Variants in PSMB2 observed in about 807,000 individuals in gnomAD.
PSMB2 encodes the protein proteasome subunit beta type-2.
A neutral mutation model predicts 25.7 loss-of-function variants in PSMB2; 13 were observed. That is an observed-to-expected ratio of 0.51 (90% CI 0.33 to 0.80). The LOEUF (loss-of-function observed/expected upper bound fraction) is 0.80, where lower values mean the gene tolerates loss of function less well. Among genes scored for constraint, PSMB2 ranks in the 30% least tolerant of loss-of-function variants. PSMB2 has a pLI of 0.02. For missense variants in PSMB2, 202 were observed against 259.0 expected, an observed-to-expected ratio of 0.78 and a Z score of 1.51; for synonymous variants, 87 against 96.2, an observed-to-expected ratio of 0.90 and a Z score of 0.56.
chr1:35,617,259 G>C (rs1257119200), intron 3 of PSMB2, among the ~76,000 whole-genome samples: 1 of 152,136 alleles, frequency 6.6e-6, no homozygotes, highest in Non-Finnish European at 1.5e-5. Flanking sequence ...TGTTGGCCTG[G>C]CTGGTCTCGA....
chr1:35,620,348 T>G (rs966359719), intron 3 of PSMB2, among the ~76,000 whole-genome samples: 1 of 152,174 alleles, frequency 6.6e-6, no homozygotes, highest in Admixed American at 6.5e-5. Flanking sequence ...CGGCTTTAAC[T>G]GACATGCAGG....
intron 3 of PSMB2, among the ~76,000 whole-genome samples, chr1:35,628,623 ATATATATAT>A (rs1417855013): frequency 0.01 from 465 of 46,416 alleles, 6 homozygotes; most frequent in South Asian, 0.026. Context: ...ATATATATAT[ATATATATAT>A]TTTTTTTTTT....
chr1:35,603,759 C>G (rs540031764), intron 5 of PSMB2, among the ~76,000 whole-genome samples: 1 of 152,088 alleles, frequency 6.6e-6, no homozygotes, highest in Non-Finnish European at 1.5e-5. Context: ...GTCCTCAGAA[C>G]GAAGCAGAGG....
rs1649949104 is a variant in PSMB2 at position 35,600,202 on chromosome 1, G to C, written c.*3065C>G. ...AAAGATTTAGGATGTAGAAATGCCA[G>C]AACTTGGTGGCCATGTAGAGACAGG... On this transcript the variant is annotated 3_prime_UTR_variant, in exon 6 of 6. Transcript: ENST00000373237. The C allele has an allele frequency of 1.0e-6, 1 of 985,184 alleles. No individual in the cohort carries two copies. The highest frequency in any genetic ancestry group is 1.2e-6 in the Non-Finnish European group (1 of 829,874). 61.0% of individuals were successfully genotyped at this position (985,184 alleles called of 1,614,324 possible). A position where few individuals can be genotyped will look rare whatever the true frequency, so the allele number is the denominator to read the frequency against.
In PSMB2 at chr1:35,641,479, G is replaced by C. The variant is rs751278801; in HGVS notation, c.-47C>G. On this transcript the variant is annotated 5_prime_UTR_variant, in exon 1 of 6. Transcript: ENST00000373237. ...GCAGGTCCGACACAGCACGAGACTC[G>C]CCCGCTTCCAGGTCTCACCGGTGAG... The C allele has an allele frequency of 1.9e-6, 3 of 1,612,346 alleles. No homozygotes were observed. Among genetic ancestry groups the C allele is most frequent in the South Asian group, 1.1e-5 (1 of 90,876 alleles).
chr1:35,628,578 G>C (rs1384925210), intron 3 of PSMB2, among the ~76,000 whole-genome samples: 3 of 32,966 alleles, frequency 9.1e-5, no homozygotes, highest in African/African-American at 3.2e-4. Context: ...TTTCTTGGAA[G>C]AAAAAAAAAA....
intron 3 of PSMB2, among the ~76,000 whole-genome samples, chr1:35,618,830 G>A (rs1650582380): frequency 6.6e-6 from 1 of 152,184 alleles, no homozygotes; most frequent in Admixed American, 6.5e-5. Context: ...ATACTATAAT[G>A]AGCTTCACAA....
chr1:35,637,578 C>T lies in PSMB2; in HGVS notation c.92-1146G>A, dbSNP rs141336091. 6.9e-3 allele frequency among the ~76,000 whole-genome samples: 1,046 copies of T among 152,244 alleles called. 15 individuals carry two copies. Among genetic ancestry groups the T allele is most frequent in the African/African-American group, 0.021 (877 of 41,550 alleles). The stretch of plus-strand genomic sequence containing the variant: ...TTTCAAATAGTGCTGAATAATCCTC[C>T]CTGGGAGACACGTTTCCTGTTTGAA... On this transcript the variant is annotated intron_variant, in intron 1 of 5. Coordinates refer to ENST00000373237, the MANE Select transcript of PSMB2 (RefSeq NM_002794.5).
chr1:35,637,806 C>G (rs1239092948), intron 1 of PSMB2, among the ~76,000 whole-genome samples: 1 of 152,060 alleles, frequency 6.6e-6, no homozygotes. Context: ...GTTATGCAGG[C>G]TAGATTTAAA....
intron 3 of PSMB2, among the ~76,000 whole-genome samples, chr1:35,623,476 T>C (rs1314105847): frequency 6.6e-6 from 1 of 152,340 alleles, no homozygotes; most frequent in Non-Finnish European, 1.5e-5. Context: ...TTTTTTATTT[T>C]TGAATTTCCG....
At chr1:35,608,176 C>A (rs1320964886) in intron 4 of PSMB2, among the ~76,000 whole-genome samples, 1 of 152,044 alleles carries the variant, frequency 6.6e-6, no homozygotes, top group African/African-American at 2.4e-5. Flanking sequence ...ACCAGCCTGG[C>A]CAACATGGTG....
At chr1:35,609,435 A>C in intron 3 of PSMB2, 27 bp from the exon 4 acceptor site, 1 of 1,466,728 alleles carries the variant, frequency 6.8e-7, no homozygotes, top group Middle Eastern at 2.0e-4. Context: ...TGGCAAAGTG[A>C]TAACTAAAGC....
At position 35,631,855 on chromosome 1, in the gene PSMB2, C is replaced by T. The variant is rs375478633; in HGVS notation, c.215-511G>A. On this transcript the variant is annotated intron_variant, in intron 2 of 5. Transcript: ENST00000373237. ...GGGCAACATAGTGAGACCCCCATCT[C>T]TAAAAAAAATTTTTTTTTAAATTTC... Among the ~76,000 whole-genome samples, 8 of 151,938 alleles carry T rather than the reference C, an allele frequency of 5.3e-5. No homozygotes were observed. In the East Asian group the frequency reaches 9.6e-4, roughly 18 times the overall value.
intron 3 of PSMB2, among the ~76,000 whole-genome samples, chr1:35,612,089 A>G (rs1650360145): frequency 6.6e-6 from 1 of 152,218 alleles, no homozygotes; most frequent in Non-Finnish European, 1.5e-5. Flanking sequence ...TTTCTGTTTT[A>G]GTGATAGGAC....
rs1028144635 is a variant in PSMB2 at position 35,600,651 on chromosome 1, A to G, written c.*2616T>C. 6 of 985,388 alleles carry G rather than the reference A, an allele frequency of 6.1e-6. No homozygotes were observed. The highest frequency in any genetic ancestry group is 7.2e-6 in the Non-Finnish European group (6 of 829,936). 61.0% of individuals were successfully genotyped at this position (985,388 alleles called of 1,614,324 possible). On this transcript the variant is annotated 3_prime_UTR_variant, in exon 6 of 6. Transcript: ENST00000373237. ...CTCAGCTTTAGACATACTGAGTTCG[A>G]TGTCCCTAAATCTGGAGGGTGAGCT...
intron 1 of PSMB2, among the ~76,000 whole-genome samples, chr1:35,640,099 A>ACTATACTATACTATACTATC (rs1372116995): frequency 6.6e-6 from 1 of 151,880 alleles, no homozygotes; most frequent in Admixed American, 6.6e-5. Context: ...ACTATACTAT[A>ACTATACTATACTATACTATC]CTATCTATAC....
At chr1:35,610,970 T>A (rs940449757) in intron 3 of PSMB2, among the ~76,000 whole-genome samples, 1 of 152,352 alleles carries the variant, frequency 6.6e-6, no homozygotes, top group East Asian at 1.9e-4. Context: ...TGCGTTGCTC[T>A]TCATCTCCAA....
chr1:35,641,302 ACAC>A (rs752453025), intron 1 of PSMB2, 37 bp downstream of exon 1: 14 of 1,612,718 alleles, frequency 8.7e-6, no homozygotes, highest in Non-Finnish European at 1.2e-5. Context: ...GGCCGCTCCT[ACAC>A]CCCAGGCCTG....
chr1:35,623,507 CTCTG>C (rs59182816), intron 3 of PSMB2, among the ~76,000 whole-genome samples: 279 of 152,322 alleles, frequency 1.8e-3, no homozygotes, highest in Non-Finnish European at 3.2e-3. Context: ...AGTAAGCTGG[CTCTG>C]TCTGTCAAGA....
Sources: gnomAD v4.1 joint callset for allele counts (sites outside exome capture counted in the v4.1 genomes callset) on GRCh38, gnomAD v4.1.1 for gene constraint, MANE v1.5 for transcripts, NCBI Gene and HGNC (gene_info 2026-07-23, HGNC 2026-07-21) for gene names.